The following MYO19 variants were observed in gnomAD, a reference collection of about 807,000 sequenced individuals.
MYO19 encodes the protein unconventional myosin-XIX.
MYO19 carries 132 observed loss-of-function variants against 129.2 expected under a neutral mutation model. That is an observed-to-expected ratio of 1.02 (90% CI 0.89 to 1.18). The LOEUF is 1.18. Among genes scored for constraint, MYO19 ranks in the 50% most tolerant of loss-of-function variants. MYO19 has a pLI of 0.00. For synonymous variants in MYO19, 531 were observed against 477.2 expected, an observed-to-expected ratio of 1.11 and a Z score of -1.47; for missense variants, 1,210 against 1,216.7, an observed-to-expected ratio of 0.99 and a Z score of 0.08.
intron 1 of MYO19, chr17:36,542,993 G>A (rs1309388849): frequency 6.6e-6 from 1 of 151,862 alleles, no homozygotes; most frequent in East Asian, 2.0e-4. Flanking sequence ...TGGGATTACA[G>A]GTGTTAGCCG....
Position 36,503,954 on chromosome 17 carries a change from T to C in MYO19, c.1972A>G (p.Ile658Val). The C allele has an allele frequency of 1.3e-6, 2 of 1,590,762 alleles. No individual in the cohort carries two copies. The highest frequency in any genetic ancestry group is 1.7e-6 in the Non-Finnish European group (2 of 1,169,826). The part of the protein sequence containing the change: ...TIHISAAGFP[I>V]RVSHRNFVER... Reference sequence around the variant, plus strand: ...GCCGTGATCGAGCCCACTCACCGGATGGGGAAGCCAGCAGCACTGATATGG... The same window carrying C: ...GCCGTGATCGAGCCCACTCACCGGACGGGGAAGCCAGCAGCACTGATATGG... The change falls in exon 20 of 26, where the codon ATC becomes GTC. Residue 658 changes from isoleucine (I) to valine (V), a missense_variant. Ile to Val is a conservative substitution (Grantham distance 29). Transcript: ENST00000614623.
At chr17:36,503,012 C>T in intron 21 of MYO19, 85 bp downstream of exon 21, 1 of 1,171,608 alleles carries the variant, frequency 8.5e-7, no homozygotes, top group South Asian at 1.3e-5. Flanking sequence ...CAGTAAGCCC[C>T]AGCCCCTAGC....
intron 3 of MYO19, among the ~76,000 whole-genome samples, chr17:36,530,514 T>C (rs2073769517): frequency 6.9e-6 from 1 of 145,144 alleles, no homozygotes; most frequent in Admixed American, 7.3e-5. Flanking sequence ...TGGAGTGCAG[T>C]GGCGCGATCT....
At chr17:36,516,114 A>ATTCT in intron 6 of MYO19, 124 bp from the exon 7 acceptor site, 1 of 1,196,096 alleles carries the variant, frequency 8.4e-7, no homozygotes. Context: ...AAATGGGTGA[A>ATTCT]GGCAGAATTC....
intron 6 of MYO19, among the ~76,000 whole-genome samples, chr17:36,521,274 T>A (rs936719749): frequency 6.6e-6 from 1 of 152,178 alleles, no homozygotes; most frequent in African/African-American, 2.4e-5. Flanking sequence ...TTATTTTAAA[T>A]ATGAACAGAC....
At chr17:36,499,384 G>A (rs888834453) in intron 23 of MYO19, 3 of 363,520 alleles carry the variant, frequency 8.3e-6, no homozygotes, top group East Asian at 5.5e-5. Flanking sequence ...ACACAACACA[G>A]TGAAGGGGCA....
chr17:36,519,624 T>C (rs538444426), intron 6 of MYO19, among the ~76,000 whole-genome samples: 2 of 146,528 alleles, frequency 1.4e-5, no homozygotes, highest in Admixed American at 7.0e-5. Context: ...TTATAGTGAT[T>C]ATCTTCTAAA....
At position 36,525,264 on chromosome 17, in the gene MYO19, C is replaced by T. The variant is rs773153675; in HGVS notation, c.378G>A (p.Gln126=). The change falls in exon 6 of 26, where the codon CAG becomes CAA. Residue 126 remains glutamine, a synonymous_variant. Coordinates refer to ENST00000614623, the MANE Select transcript of MYO19 (RefSeq NM_001163735.2). The stretch of plus-strand genomic sequence containing the variant: ...CACTCTCTCCACTGACAACAATAGA[C>T]TGGTTGACTGGTTCAATCAGGCTCT... ...NVKSLIEPVN[Q]SIVVSGESGA... is the part of the protein sequence containing the mutation. 1 of 1,613,964 alleles carries T rather than the reference C, an allele frequency of 6.2e-7. No individual in the cohort carries two copies. Among genetic ancestry groups the T allele is most frequent in the Non-Finnish European group, 8.5e-7 (1 of 1,179,850 alleles).
At position 36,500,829 on chromosome 17, in the gene MYO19, C is replaced by T. The variant is rs1443151157; in HGVS notation, c.2377+1G>A. 1 of 1,598,642 alleles carries T rather than the reference C, an allele frequency of 6.3e-7. No individual in the cohort carries two copies. Among genetic ancestry groups the T allele is most frequent in the Admixed American group, 1.7e-5 (1 of 59,640 alleles). On this transcript the variant is annotated splice_donor_variant, in intron 23 of 25. Transcript: ENST00000614623. LOFTEE classifies it high-confidence loss of function. The stretch of plus-strand genomic sequence containing the variant: ...TGCTGACAGGTGACCTGCCCACCTA[C>T]CTGCCTGGATGAGCATGACGGCCCG...
intron 3 of MYO19, among the ~76,000 whole-genome samples, chr17:36,528,858 C>G (rs2073657670): frequency 6.6e-6 from 1 of 152,200 alleles, no homozygotes; most frequent in Admixed American, 6.5e-5. Context: ...GCAAGTAGCA[C>G]TTCCAGGCTA....
upstream of MYO19, chr17:36,538,504 C>T (rs1260998846): frequency 1.9e-6 from 3 of 1,613,840 alleles, no homozygotes; most frequent in South Asian, 2.2e-5. Context: ...ATGGTAGATA[C>T]ATTACACAGC....
chr17:36,534,455 C>T (rs2074009846), intron 1 of MYO19, among the ~76,000 whole-genome samples: 1 of 152,214 alleles, frequency 6.6e-6, no homozygotes, highest in Admixed American at 6.5e-5. Context: ...CAGCCGCCCC[C>T]TCCCGGGGTC....
chr17:36,508,007 C>T, intron 14 of MYO19, 83 bp from the exon 15 acceptor site: 1 of 1,445,230 alleles, frequency 6.9e-7, no homozygotes, highest in Non-Finnish European at 9.2e-7. Context: ...GGTGGCTGGG[C>T]CCCTGCCAAT....
rs554367685 is a variant in MYO19, at chr17:36,527,993, C to T, written c.151+71G>A. The stretch of plus-strand genomic sequence containing the variant: ...CCGACCTCCGTCTGACCTGGAGAAG[C>T]TGTGCTGACTACTCTCATTACACCT... On this transcript the variant is annotated intron_variant, in intron 4 of 25. Transcript: ENST00000614623. 35 of 1,559,950 alleles carry T rather than the reference C, an allele frequency of 2.2e-5. No individual in the cohort carries two copies. The South Asian group carries it at 3.8e-4, about 17-fold the overall frequency.
intron 4 of MYO19, 84 bp from the exon 5 acceptor site, chr17:36,527,783 C>A: frequency 7.1e-7 from 1 of 1,408,116 alleles, no homozygotes; most frequent in South Asian, 1.4e-5. Context: ...AAGTAACAGC[C>A]CTCTTTCTGC....
chr17:36,496,307 G>A lies in MYO19; in HGVS notation c.2857C>T (p.Leu953=), dbSNP rs756438324. 32 of 1,613,926 alleles carry A rather than the reference G, an allele frequency of 2.0e-5. No individual in the cohort carries two copies. The highest frequency in any genetic ancestry group is 1.6e-4 in the Middle Eastern group (1 of 6,084). Residue 953 remains leucine (L), a synonymous_variant, in exon 26 of 26, where the codon CTG becomes TTG. Coordinates refer to ENST00000614623, the MANE Select transcript of MYO19 (RefSeq NM_001163735.2). ...YSITGFNQIL[L]ERHRLIHVTS... is the part of the protein sequence containing the mutation. The stretch of plus-strand genomic sequence containing the variant: ...ACGTGGATCAGCCTGTGTCTTTCCA[G>A]CAGAATCTGATTAAAGCCTGTAATG...
intron 2 of MYO19, 69 bp from the exon 3 acceptor site, chr17:36,532,750 C>T (rs2073900707): frequency 6.4e-6 from 4 of 620,290 alleles, no homozygotes; most frequent in African/African-American, 5.5e-5. Flanking sequence ...TCACTCACTC[C>T]TTCCCACCTA....
At position 36,515,127 on chromosome 17, in the gene MYO19, C is replaced by G; in HGVS notation, c.603G>C (p.Gln201His). The change falls in exon 8 of 26, where the codon CAG becomes CAC. Residue 201 changes from glutamine to histidine, a missense_variant. Physicochemically the swap from Gln to His is conservative, Grantham distance 24 (BLOSUM62 0). Transcript: ENST00000614623. ...NNSSRFGKFI[Q>H]LQLNRAQQMT... ...GCAGCTATTACCTGTTCAGCTGGAG[C>G]TGGATGAACTTCCCAAAGCGACTGC... The G allele has an allele frequency of 6.2e-7, 1 of 1,610,112 alleles. No individual in the cohort carries two copies. The highest frequency in any genetic ancestry group is 8.5e-7 in the Non-Finnish European group (1 of 1,178,214).
chr17:36,507,974 G>A (rs771322926), intron 14 of MYO19, 50 bp from the exon 15 acceptor site: 6 of 1,525,012 alleles, frequency 3.9e-6, no homozygotes, highest in Non-Finnish European at 5.3e-6. Flanking sequence ...AGCAGATGGG[G>A]AATAGGGGAC....
Sources: allele counts gnomAD v4.1 joint callset (sites outside exome capture counted in the v4.1 genomes callset), GRCh38; gene constraint gnomAD v4.1.1; transcripts MANE v1.5; gene names NCBI Gene and HGNC (gene_info 2026-07-23, HGNC 2026-07-21).